The following PAWR variants were observed in gnomAD, a reference collection of about 807,000 sequenced individuals.
PAWR encodes pro-apoptotic WT1 regulator, also known as PRKC apoptosis WT1 regulator protein.
PAWR carries 23 observed loss-of-function variants against 32.0 expected under a neutral mutation model. That is an observed-to-expected ratio of 0.72 (90% confidence interval 0.52 to 1.02). The LOEUF (loss-of-function observed/expected upper bound fraction) is 1.02. Among genes scored for constraint, PAWR ranks in the 50% least tolerant of loss-of-function variants. The pLI is 0.00. For synonymous variants in PAWR, 226 were observed against 187.1 expected, an observed-to-expected ratio of 1.21 and a Z score of -1.70; for missense variants, 457 against 437.7, an observed-to-expected ratio of 1.04 and a Z score of -0.39.
intron 2 of PAWR, among the ~76,000 whole-genome samples, chr12:79,682,685 T>C (rs1878501184): frequency 6.6e-6 from 1 of 152,240 alleles, no homozygotes; most frequent in Non-Finnish European, 1.5e-5. Context: ...GTGCCCTGTG[T>C]ATTTTTACAT....
chr12:79,664,838 A>C (rs917885310), intron 2 of PAWR, among the ~76,000 whole-genome samples: 3 of 152,078 alleles, frequency 2.0e-5, no homozygotes, highest in African/African-American at 7.2e-5. Flanking sequence ...AACAAAAATA[A>C]AATAGTGATT....
intron 6 of PAWR, among the ~76,000 whole-genome samples, chr12:79,592,986 T>C (rs1873610739): frequency 6.6e-6 from 1 of 151,896 alleles, no homozygotes; most frequent in South Asian, 2.1e-4. Context: ...TCATCATAAA[T>C]AAGTTAGTTT....
At chr12:79,621,041 T>C (rs1216916370) in intron 3 of PAWR, 35 bp downstream of exon 3, 3 of 1,531,276 alleles carry the variant, frequency 2.0e-6, no homozygotes, top group African/African-American at 1.4e-5. Flanking sequence ...GCCATTAAAA[T>C]AGATAGTGAC....
intron 3 of PAWR, among the ~76,000 whole-genome samples, chr12:79,615,800 T>TA (rs1420641310): frequency 3.3e-5 from 5 of 152,274 alleles, no homozygotes; most frequent in African/African-American, 1.2e-4. Context: ...CTCATACCTG[T>TA]AATCCTAGCA....
intron 2 of PAWR, among the ~76,000 whole-genome samples, chr12:79,667,035 G>A (rs1877641489): frequency 6.6e-6 from 1 of 152,152 alleles, no homozygotes; most frequent in South Asian, 2.1e-4. Flanking sequence ...CTGCCTTTCT[G>A]GATGGAACCA....
intron 2 of PAWR, among the ~76,000 whole-genome samples, chr12:79,645,069 A>ACACACACACACACACAC (rs1220453183): frequency 9.7e-4 from 121 of 124,796 alleles, no homozygotes; most frequent in Admixed American, 5.5e-3. Context: ...CACACACACA[A>ACACACACACACACACAC]AAATCAATGT....
chr12:79,642,566 T>A (rs1286254398), intron 2 of PAWR, among the ~76,000 whole-genome samples: 1 of 152,172 alleles, frequency 6.6e-6, no homozygotes, highest in East Asian at 1.9e-4. Flanking sequence ...TATCTTCATT[T>A]GGCCTTTTTT....
intron 2 of PAWR, among the ~76,000 whole-genome samples, chr12:79,684,767 C>T (rs892345039): frequency 1.3e-5 from 2 of 152,158 alleles, no homozygotes; most frequent in Non-Finnish European, 2.9e-5. Context: ...CATCTATGTT[C>T]TATAAATAGG....
chr12:79,599,033 C>A (rs560280952), intron 4 of PAWR, among the ~76,000 whole-genome samples: 1 of 152,196 alleles, frequency 6.6e-6, no homozygotes, highest in South Asian at 2.1e-4. Context: ...CTGCGCCCGG[C>A]CAACTGACAT....
rs116895980 is a variant in PAWR at position 79,674,909 on chromosome 12, C to T, written c.516+14820G>A. On this transcript the variant is annotated intron_variant, in intron 2 of 6. Coordinates refer to ENST00000328827, the MANE Select transcript of PAWR (RefSeq NM_002583.4). ...CTACTATTAAAAAGCCAAAAATCCA[C>T]AGATGTTGGTGAGGTTGCAGAGAAA... 7.4e-4 allele frequency among the ~76,000 whole-genome samples: 112 copies of T among 152,300 alleles called. 3 individuals carry two copies. In the East Asian group the frequency reaches 0.017, roughly 23 times the overall value.
intron 3 of PAWR, among the ~76,000 whole-genome samples, chr12:79,613,987 T>A (rs1464004121): frequency 0.051 from 195 of 3,788 alleles, no homozygotes; most frequent in Middle Eastern, 0.12. Context: ...ATATTTTTTT[T>A]TTTTTTTTTT....
At chr12:79,603,349 G>A (rs1009425342) in intron 4 of PAWR, among the ~76,000 whole-genome samples, 1 of 151,966 alleles carries the variant, frequency 6.6e-6, no homozygotes, top group Non-Finnish European at 1.5e-5. Context: ...CCAGCAAAGT[G>A]GTAAAAAGAA....
intron 2 of PAWR, among the ~76,000 whole-genome samples, chr12:79,631,158 G>C (rs1468142301): frequency 6.6e-6 from 1 of 152,094 alleles, no homozygotes; most frequent in Non-Finnish European, 1.5e-5. Context: ...ACTTAGAAGA[G>C]AATAGCCTTA....
At position 79,596,649 on chromosome 12, in the gene PAWR, A is replaced by G. The variant is rs1399837587; in HGVS notation, c.693T>C (p.Ser231=). 1 of 1,586,152 alleles carries G rather than the reference A, an allele frequency of 6.3e-7. No homozygotes were observed. Among genetic ancestry groups the G allele is most frequent in the Admixed American group, 1.8e-5 (1 of 54,824 alleles). Residue 231 remains serine (S), a synonymous_variant, in exon 5 of 7, where the codon AGT becomes AGC. Transcript: ENST00000328827. ...TVSGRYKSTT[S]VSEEDVSSRY... ...TACTTGAGACATCTTCTTCAGAGAC[A>G]CTGGTTGTGCTGTGGAAATATAAAC...
At chr12:79,659,174 G>T (rs1219731127) in intron 2 of PAWR, among the ~76,000 whole-genome samples, 1 of 151,934 alleles carries the variant, frequency 6.6e-6, no homozygotes. Flanking sequence ...GCGGGCGCCT[G>T]TAGTCCCAGC....
intron 2 of PAWR, among the ~76,000 whole-genome samples, chr12:79,657,793 C>CAA (rs927429974): frequency 2.6e-5 from 3 of 113,426 alleles, no homozygotes; most frequent in Non-Finnish European, 5.6e-5. Context: ...GACTCCGTCT[C>CAA]AAAAAAAAAA....
At chr12:79,650,942 C>A (rs1876815157) in intron 2 of PAWR, among the ~76,000 whole-genome samples, 1 of 152,154 alleles carries the variant, frequency 6.6e-6, no homozygotes, top group South Asian at 2.1e-4. Flanking sequence ...AGTTACCATA[C>A]AAGTGCTTTA....
chr12:79,684,259 G>T (rs557942046), intron 2 of PAWR, among the ~76,000 whole-genome samples: 1 of 151,880 alleles, frequency 6.6e-6, no homozygotes, highest in South Asian at 2.1e-4. Flanking sequence ...CTATTAAATG[G>T]CATAATTATT....
chr12:79,624,135 G>A (rs1006520817), intron 2 of PAWR, among the ~76,000 whole-genome samples: 1 of 152,050 alleles, frequency 6.6e-6, no homozygotes, highest in African/African-American at 2.4e-5. Context: ...GCTTAAAGTT[G>A]GAATTCTTAA....
Sources: allele counts gnomAD v4.1 joint callset (sites outside exome capture counted in the v4.1 genomes callset), GRCh38; gene constraint gnomAD v4.1.1; transcripts MANE v1.5; gene names NCBI Gene and HGNC (gene_info 2026-07-23, HGNC 2026-07-21).